KCNJ16: variants seen among roughly 807,000 people sequenced by gnomAD.
KCNJ16 encodes potassium inwardly rectifying channel subfamily J member 16.
KCNJ16 carries 15 observed loss-of-function variants against 18.5 expected under a neutral mutation model. That is an observed-to-expected ratio of 0.81 (90% CI 0.54 to 1.25). The LOEUF is 1.25. Among genes scored for constraint, KCNJ16 ranks in the 50% most tolerant of loss-of-function variants. The pLI, the probability that KCNJ16 is intolerant of heterozygous loss-of-function variation, is 0.00. For missense variants in KCNJ16, 523 were observed against 525.7 expected, an observed-to-expected ratio of 0.99 and a Z score of 0.05; for synonymous variants, 174 against 186.5, an observed-to-expected ratio of 0.93 and a Z score of 0.55.
intron 2 of KCNJ16, among the ~76,000 whole-genome samples, chr17:70,103,324 A>ACACACACACACATAT (rs142139198): frequency 0.65 from 73,163 of 112,260 alleles, 24,607 homozygotes; most frequent in East Asian, 0.9. Context: ...ATATATATAC[A>ACACACACACACATAT]CACACATATA....
chr17:70,112,009 C>T (rs1325133667), intron 2 of KCNJ16, among the ~76,000 whole-genome samples: 3 of 152,150 alleles, frequency 2.0e-5, no homozygotes, highest in Non-Finnish European at 2.9e-5. Flanking sequence ...AAAGAACATT[C>T]TTTGATTCAA....
intron 1 of KCNJ16, among the ~76,000 whole-genome samples, chr17:70,087,241 C>A (rs1184746633): frequency 6.6e-6 from 1 of 151,954 alleles, no homozygotes. Flanking sequence ...TAGTAGAATT[C>A]TTATTATGGC....
At chr17:70,103,214 GTATA>G (rs555960645) in intron 2 of KCNJ16, among the ~76,000 whole-genome samples, 9 of 141,120 alleles carry the variant, frequency 6.4e-5, no homozygotes, top group African/African-American at 2.1e-4. Flanking sequence ...ATATTTTTGT[GTATA>G]TATATGTGTA....
chr17:70,089,202 C>T (rs1025426259), intron 1 of KCNJ16, among the ~76,000 whole-genome samples: 1 of 152,132 alleles, frequency 6.6e-6, no homozygotes, highest in Non-Finnish European at 1.5e-5. Flanking sequence ...GTAGTTGTTA[C>T]GTATCAACTC....
At chr17:70,118,801 AC>A (rs2073518657) in intron 2 of KCNJ16, among the ~76,000 whole-genome samples, 1 of 152,106 alleles carries the variant, frequency 6.6e-6, no homozygotes. Flanking sequence ...AAATACCCAA[AC>A]TATATTATTC....
chr17:70,130,428 A>G (rs1356406899), intron 2 of KCNJ16, among the ~76,000 whole-genome samples: 1 of 152,186 alleles, frequency 6.6e-6, no homozygotes, highest in African/African-American at 2.4e-5. Flanking sequence ...GATCTGGATG[A>G]TGGGTGAGTG....
At chr17:70,097,856 C>T (rs2072451221) in intron 1 of KCNJ16, among the ~76,000 whole-genome samples, 1 of 152,078 alleles carries the variant, frequency 6.6e-6, no homozygotes, top group Non-Finnish European at 1.5e-5. Flanking sequence ...ATTGTTGATT[C>T]TGACTTCCAA....
intron 1 of KCNJ16, chr17:70,097,034 C>T (rs1342144451): frequency 5.1e-6 from 2 of 391,738 alleles, no homozygotes; most frequent in African/African-American, 2.1e-5. Flanking sequence ...GTGAAATGCT[C>T]ATTTTGCAGA....
intron 2 of KCNJ16, among the ~76,000 whole-genome samples, chr17:70,119,796 G>A (rs958531642): frequency 2.0e-5 from 3 of 152,170 alleles, no homozygotes; most frequent in African/African-American, 7.2e-5. Flanking sequence ...AAATTCCTTT[G>A]AGGCCTTTTC....
Position 70,133,479 on chromosome 17 carries a change from CTT to C in KCNJ16, c.*136_*137del, listed in dbSNP as rs1383037752. On this transcript the variant is annotated 3_prime_UTR_variant, in exon 4 of 4. Transcript: ENST00000392671. ...TGCTGGGTAAGTAGAGTAAGTTAAACTTGGTAAAAGATAATCTAAAAATTCCA... is the reference window on the plus strand; with the variant it reads ...TGCTGGGTAAGTAGAGTAAGTTAAACGGTAAAAGATAATCTAAAAATTCCA... 4.3e-6 allele frequency: 3 copies of C among 697,530 alleles called. No individual in the cohort carries two copies. Among genetic ancestry groups the C allele is most frequent in the African/African-American group, 3.7e-5 (2 of 53,848 alleles). The allele number at this position is 697,530 out of a possible 1,614,324, so 43.2% of individuals were successfully genotyped here.
At chr17:70,081,273 T>G (rs1322854714) in intron 1 of KCNJ16, among the ~76,000 whole-genome samples, 2 of 152,190 alleles carry the variant, frequency 1.3e-5, no homozygotes, top group Non-Finnish European at 2.9e-5. Context: ...TTTGAACAAA[T>G]TATCTAAGAC....
intron 2 of KCNJ16, among the ~76,000 whole-genome samples, chr17:70,129,879 T>C (rs2073996133): frequency 6.6e-6 from 1 of 151,970 alleles, no homozygotes; most frequent in Non-Finnish European, 1.5e-5. Context: ...GCCAACTGAA[T>C]GCCATTTCAA....
chr17:70,113,067 T>C (rs2073254934), intron 2 of KCNJ16, among the ~76,000 whole-genome samples: 3 of 152,214 alleles, frequency 2.0e-5, no homozygotes, highest in African/African-American at 7.2e-5. Context: ...AAAAAATCAG[T>C]TTTAATGGGG....
chr17:70,130,860 TTTTG>T lies in KCNJ16; in HGVS notation c.-190-11_-190-8del. The T allele has an allele frequency of 9.5e-7, 1 of 1,055,872 alleles. No homozygotes were observed. Among genetic ancestry groups the T allele is most frequent in the South Asian group, 1.4e-5 (1 of 74,006 alleles). The allele number at this position is 1,055,872 out of a possible 1,614,324, so 65.4% of individuals were successfully genotyped here. A position where few individuals can be genotyped will look rare whatever the true frequency, so the allele number is the denominator to read the frequency against. ...TTAAAATTGGCTACAATACTTTTAT[TTTTG>T]TTTGTTTTGCACAGGAGTAACTCAA... On this transcript the variant is annotated splice_polypyrimidine_tract_variant and intron_variant, in intron 2 of 3. Transcript: ENST00000392671.
At chr17:70,106,931 C>T (rs1413942626) in intron 2 of KCNJ16, among the ~76,000 whole-genome samples, 1 of 152,078 alleles carries the variant, frequency 6.6e-6, no homozygotes, top group Non-Finnish European at 1.5e-5. Context: ...TCTTAATAGG[C>T]CACCCCCTTA....
intron 1 of KCNJ16, among the ~76,000 whole-genome samples, chr17:70,097,363 C>A (rs2072426387): frequency 6.6e-6 from 1 of 152,090 alleles, no homozygotes; most frequent in African/African-American, 2.4e-5. Flanking sequence ...AGGGGTCTAA[C>A]TAGGAACCAA....
At chr17:70,129,792 A>T (rs1023640147) in intron 2 of KCNJ16, among the ~76,000 whole-genome samples, 3 of 152,180 alleles carry the variant, frequency 2.0e-5, no homozygotes, top group Non-Finnish European at 4.4e-5. Context: ...ATTAATTGAA[A>T]ATTCATTCAC....
At chr17:70,080,586 A>AT (rs1020274410) in intron 1 of KCNJ16, among the ~76,000 whole-genome samples, 3 of 151,634 alleles carry the variant, frequency 2.0e-5, no homozygotes, top group Admixed American at 6.6e-5. Context: ...TGTAAGGTTT[A>AT]TTTTTTTTAA....
intron 1 of KCNJ16, among the ~76,000 whole-genome samples, chr17:70,075,991 A>G (rs189964704): frequency 7.8e-4 from 119 of 152,136 alleles, no homozygotes; most frequent in African/African-American, 2.8e-3. Context: ...TTATCATTTA[A>G]AAATCTTAAA....
Sources: gnomAD v4.1 joint callset for allele counts (sites outside exome capture counted in the v4.1 genomes callset) on GRCh38, gnomAD v4.1.1 for gene constraint, MANE v1.5 for transcripts, NCBI Gene and HGNC (gene_info 2026-07-23, HGNC 2026-07-21) for gene names.